Variants in STIM1 observed in about 807,000 individuals in gnomAD.
STIM1 encodes the protein stromal interaction molecule 1.
A neutral mutation model predicts 74.7 loss-of-function variants in STIM1; 25 were observed. The ratio of observed to expected loss-of-function variants is 0.33; its 90% CI spans 0.24 to 0.47. STIM1 has a LOEUF of 0.47. Ranked by LOEUF, STIM1 falls within the 20% of genes least tolerant of loss-of-function variation. The probability of loss-of-function intolerance (pLI) is 1.00; values close to 1 mark genes in which losing one functional copy is unlikely to be tolerated. For synonymous variants in STIM1, 328 were observed against 348.8 expected (o/e 0.94, Z 0.66); for missense variants, 728 against 920.8 (o/e 0.79, Z 2.71).
At chr11:4,025,848 G>GT (rs1052448317) in intron 3 of STIM1, among the ~76,000 whole-genome samples, 1 of 152,158 alleles carries the variant, frequency 6.6e-6, no homozygotes, top group African/African-American at 2.4e-5. Context: ...ATGGAGTGAG[G>GT]TTTTTTGGGG....
chr11:4,053,574 C>A (rs1196560191), intron 3 of STIM1, among the ~76,000 whole-genome samples: 1 of 151,036 alleles, frequency 6.6e-6, no homozygotes, highest in Non-Finnish European at 1.5e-5. Context: ...CACACTGAGG[C>A]CTGTTGTGGG....
rs2093737069 is a variant in STIM1 at position 4,003,109 on chromosome 11, CA to C, written c.271-20759del. 2.1e-5 allele frequency among the ~76,000 whole-genome samples: 3 copies of C among 143,794 alleles called. 1 individual carries two copies. In the South Asian group the frequency reaches 7.1e-4, roughly 34 times the overall value. The allele number at this position is 143,794 out of a possible 152,430, so 94.3% of individuals were successfully genotyped here. A position where few individuals can be genotyped will look rare whatever the true frequency, so the allele number is the denominator to read the frequency against. On this transcript the variant is annotated intron_variant, in intron 2 of 12. Coordinates refer to ENST00000526596, the MANE Select transcript of STIM1 (RefSeq NM_001382567.1). The stretch of plus-strand genomic sequence containing the variant: ...TGGCAATAATCAATAGCTTACCAAC[CA>C]AAAAGAGTCCAGGACCAGATGGATT...
chr11:4,002,815 G>T (rs2093733100), intron 2 of STIM1, among the ~76,000 whole-genome samples: 1 of 147,342 alleles, frequency 6.8e-6, no homozygotes, highest in Admixed American at 6.8e-5. Context: ...TTTTTGAAAG[G>T]ATCAACAAAA....
chr11:4,087,584 G>A (rs149153698), intron 12 of STIM1, among the ~76,000 whole-genome samples: 37 of 152,192 alleles, frequency 2.4e-4, no homozygotes, highest in African/African-American at 7.7e-4. Context: ...GCCTCTACCC[G>A]TTAGGAGATG....
At chr11:3,985,086 C>A (rs1341806155) in intron 2 of STIM1, among the ~76,000 whole-genome samples, 5 of 152,170 alleles carry the variant, frequency 3.3e-5, no homozygotes, top group Non-Finnish European at 5.9e-5. Context: ...TAGCCAGATA[C>A]AAGATGAGGC....
At chr11:3,926,318 G>A (rs1348262559) in intron 1 of STIM1, among the ~76,000 whole-genome samples, 1 of 152,154 alleles carries the variant, frequency 6.6e-6, no homozygotes, top group Non-Finnish European at 1.5e-5. Context: ...AAGCGATACC[G>A]AAATACATGA....
intron 1 of STIM1, chr11:3,867,078 G>C (rs112548204): frequency 1.3e-5 from 2 of 152,136 alleles, no homozygotes; most frequent in African/African-American, 4.8e-5. Flanking sequence ...AGAATACCAA[G>C]TACTTGACAT....
intron 2 of STIM1, among the ~76,000 whole-genome samples, chr11:4,005,580 G>A (rs1202467915): frequency 7.3e-6 from 1 of 136,574 alleles, no homozygotes; most frequent in Non-Finnish European, 1.6e-5. Context: ...GGACTGTTGT[G>A]GGGTGGGGGG....
intron 1 of STIM1, among the ~76,000 whole-genome samples, chr11:3,956,898 TATTC>T (rs935717114): frequency 6.7e-6 from 1 of 149,894 alleles, no homozygotes; most frequent in Non-Finnish European, 1.5e-5. Flanking sequence ...AGCGAAGATT[TATTC>T]ATTCATTCAG....
rs1565167894 is a variant in STIM1 at position 4,074,428 on chromosome 11, A to T, written c.792-74A>T. The T allele has an allele frequency of 2.6e-6, 4 of 1,563,234 alleles. No homozygotes were observed. In the East Asian group the frequency reaches 9.0e-5, roughly 35 times the overall value. Reference sequence around the variant, plus strand: ...GTTGGAGCTGTCATTTTCCTCTTTGATGCCATGACTCATGGCATGTTGGCT... The same window carrying T: ...GTTGGAGCTGTCATTTTCCTCTTTGTTGCCATGACTCATGGCATGTTGGCT... On this transcript the variant is annotated intron_variant, in intron 6 of 12. Transcript: ENST00000526596.
intron 4 of STIM1, among the ~76,000 whole-genome samples, chr11:4,057,763 G>A (rs1450686500): frequency 2.0e-5 from 3 of 152,088 alleles, no homozygotes; most frequent in South Asian, 4.2e-4. Flanking sequence ...CCAGCTACTC[G>A]GGAGGCTGAG....
intron 3 of STIM1, among the ~76,000 whole-genome samples, chr11:4,047,767 C>T (rs2094205087): frequency 6.6e-6 from 1 of 151,712 alleles, no homozygotes; most frequent in Non-Finnish European, 1.5e-5. Context: ...CTGCAGTGAG[C>T]TGTGACCATG....
chr11:4,069,020 C>T (rs1173501163), intron 5 of STIM1, among the ~76,000 whole-genome samples: 3 of 152,142 alleles, frequency 2.0e-5, no homozygotes, highest in Non-Finnish European at 4.4e-5. Context: ...GCATAACTCC[C>T]TTTTTTCCCT....
chr11:4,083,687 C>T, intron 10 of STIM1, 189 bp downstream of exon 10: 1 of 640,354 alleles, frequency 1.6e-6, no homozygotes, highest in Admixed American at 2.5e-5. Flanking sequence ...GGTGTTCTTT[C>T]CTTGTTGTAT....
At chr11:4,044,116 G>T (rs1391305167) in intron 3 of STIM1, among the ~76,000 whole-genome samples, 1 of 152,156 alleles carries the variant, frequency 6.6e-6, no homozygotes, top group African/African-American at 2.4e-5. Context: ...CTCTGATTCG[G>T]TGTAGCATTG....
At chr11:4,009,778 A>G (rs1264578016) in intron 2 of STIM1, among the ~76,000 whole-genome samples, 1 of 152,132 alleles carries the variant, frequency 6.6e-6, no homozygotes, top group Non-Finnish European at 1.5e-5. Context: ...CCACTCCTGT[A>G]TAAAATTCTA....
At chr11:3,974,106 C>T (rs75627429) in intron 2 of STIM1, 10,785 of 688,324 alleles carry the variant, frequency 0.016, 575 homozygotes, top group African/African-American at 0.14. Flanking sequence ...TCTCTCATTA[C>T]CACAGTCTGT....
At chr11:3,990,123 T>C (rs1210756609) in intron 2 of STIM1, among the ~76,000 whole-genome samples, 1 of 152,236 alleles carries the variant, frequency 6.6e-6, no homozygotes, top group Non-Finnish European at 1.5e-5. Flanking sequence ...TTACGGACAT[T>C]TCATGTAAAT....
chr11:4,055,696 C>A, intron 4 of STIM1, 59 bp downstream of exon 4: 2 of 1,351,504 alleles, frequency 1.5e-6, no homozygotes, highest in Non-Finnish European at 2.1e-6. Flanking sequence ...TGGAGTGGGC[C>A]TGCCTTCAGA....
Sources: allele counts gnomAD v4.1 joint callset (sites outside exome capture counted in the v4.1 genomes callset), GRCh38; gene constraint gnomAD v4.1.1; transcripts MANE v1.5; gene names NCBI Gene and HGNC (gene_info 2026-07-23, HGNC 2026-07-21).